Variants in PIEZO2 observed in about 807,000 individuals in gnomAD.
The protein encoded by PIEZO2 is piezo-type mechanosensitive ion channel component 2.
Under a neutral mutation model 337.3 loss-of-function variants are expected in PIEZO2, and 172 were observed. The observed-to-expected ratio is 0.51, with a 90% confidence interval of 0.45 to 0.58. The LOEUF is 0.58. Ranked by LOEUF, PIEZO2 falls within the 20% of genes least tolerant of loss-of-function variation. The pLI, the probability that PIEZO2 is intolerant of heterozygous loss-of-function variation, is 0.00. For synonymous variants in PIEZO2, 1,251 were observed against 1,228.5 expected (o/e 1.02, Z -0.38); for missense variants, 3,028 against 3,391.3 (o/e 0.89, Z 2.66).
chr18:10,855,455 CAG>C lies in PIEZO2; in HGVS notation c.813_814del (p.Val273SerfsTer29). On this transcript the variant is annotated frameshift_variant, in exon 7 of 56. Transcript: ENST00000674853. LOFTEE classifies it high-confidence loss of function. This position sits in a 1 kb window ranked among gnomAD's most constrained non-coding sequence, Gnocchi z 4.9. ...AGCAGTGAAAATAGCCAGCAGAACA[CAG>C]AGACAGCTGAACAGCAATGGGTCGA... 1 of 1,537,178 alleles carries C rather than the reference CAG, an allele frequency of 6.5e-7. No individual in the cohort carries two copies.
At chr18:10,817,708 G>A (rs1488643634) in intron 7 of PIEZO2, among the ~76,000 whole-genome samples, 1 of 152,034 alleles carries the variant, frequency 6.6e-6, no homozygotes, top group Non-Finnish European at 1.5e-5. Context: ...TGGTTCACGA[G>A]GTCAGGAGAT....
intron 3 of PIEZO2, among the ~76,000 whole-genome samples, chr18:10,916,451 G>C (rs1295305808): frequency 6.6e-6 from 1 of 152,160 alleles, no homozygotes; most frequent in African/African-American, 2.4e-5. Flanking sequence ...CAGAGGCTTG[G>C]TGAGAATTTG....
At chr18:11,024,751 G>C (rs986579441) in intron 2 of PIEZO2, among the ~76,000 whole-genome samples, 2 of 151,476 alleles carry the variant, frequency 1.3e-5, no homozygotes, top group Non-Finnish European at 2.9e-5. Context: ...AGTGATTCTC[G>C]TCTCAGCCTC....
At chr18:11,019,308 C>T (rs1278446866) in intron 2 of PIEZO2, among the ~76,000 whole-genome samples, 3 of 152,228 alleles carry the variant, frequency 2.0e-5, no homozygotes, top group African/African-American at 4.8e-5. Context: ...TAGGGCTTCT[C>T]CTAGACTGGA....
At chr18:10,742,689 T>C (rs1031362507) in intron 31 of PIEZO2, 74 bp from the exon 32 acceptor site, 18 of 1,475,732 alleles carry the variant, frequency 1.2e-5, no homozygotes, top group African/African-American at 2.8e-5. Flanking sequence ...TTTGGACTTA[T>C]GCTGTTACGT....
chr18:10,776,286 T>C (rs2038782790), intron 18 of PIEZO2, among the ~76,000 whole-genome samples: 1 of 152,156 alleles, frequency 6.6e-6, no homozygotes, highest in South Asian at 2.1e-4. Context: ...TGCCTATTTA[T>C]AGGAGGTTGT....
intron 36 of PIEZO2, among the ~76,000 whole-genome samples, chr18:10,729,825 CATTT>C (rs1297807305): frequency 6.6e-6 from 1 of 152,048 alleles, no homozygotes; most frequent in Non-Finnish European, 1.5e-5. Flanking sequence ...ACTCTGACTT[CATTT>C]GTTTCATGAT....
At position 10,862,284 on chromosome 18, in the gene PIEZO2, T is replaced by C. The variant is rs975610446; in HGVS notation, c.493-5073A>G. 2.6e-5 allele frequency among the ~76,000 whole-genome samples: 4 copies of C among 152,182 alleles called. No individual in the cohort carries two copies. Among genetic ancestry groups the C allele is most frequent in the Admixed American group, 1.3e-4 (2 of 15,276 alleles). On this transcript the variant is annotated intron_variant, in intron 5 of 55. Coordinates refer to ENST00000674853, the MANE Select transcript of PIEZO2 (RefSeq NM_001378183.1). This position sits in a 1 kb window ranked among gnomAD's most constrained non-coding sequence, Gnocchi z 4.4. ...AGATAAAAGTTGCTGATTTCAACAT[T>C]TGATAACATGTATTAGTGTAAGATC... is the stretch of plus-strand genomic sequence containing the variant.
At chr18:10,730,270 T>A (rs923909915) in intron 36 of PIEZO2, among the ~76,000 whole-genome samples, 1 of 152,248 alleles carries the variant, frequency 6.6e-6, no homozygotes, top group Non-Finnish European at 1.5e-5. Flanking sequence ...AGTGACATTA[T>A]CCAATGTTTA....
chr18:10,687,682 A>G (rs1389800227), intron 49 of PIEZO2, among the ~76,000 whole-genome samples: 2 of 152,166 alleles, frequency 1.3e-5, no homozygotes, highest in Non-Finnish European at 2.9e-5. Flanking sequence ...TGGAACTCTG[A>G]GCCTAGACCT....
chr18:10,901,485 C>T lies in PIEZO2; in HGVS notation c.329+9701G>A, dbSNP rs568493611. Among the ~76,000 whole-genome samples, 6 of 152,020 alleles carry T rather than the reference C, an allele frequency of 3.9e-5. No homozygotes were observed. The East Asian group carries it at 1.2e-3, about 29-fold the overall frequency. ...TGCAGGTGACACTAAGAGTAAGGGA[C>T]AGTAGAGTTACTTCTGAAAACTGCC... On this transcript the variant is annotated intron_variant, in intron 4 of 55. Coordinates refer to ENST00000674853, the MANE Select transcript of PIEZO2 (RefSeq NM_001378183.1).
intron 4 of PIEZO2, among the ~76,000 whole-genome samples, chr18:10,898,692 G>A (rs1359546749): frequency 6.6e-6 from 1 of 152,166 alleles, no homozygotes; most frequent in Admixed American, 6.5e-5. Flanking sequence ...CTTAAGATCA[G>A]GGGAAGGGCC....
At chr18:10,811,672 A>T (rs569688161) in intron 7 of PIEZO2, among the ~76,000 whole-genome samples, 1 of 152,346 alleles carries the variant, frequency 6.6e-6, no homozygotes, top group East Asian at 1.9e-4. Flanking sequence ...AAAGGCAACA[A>T]AAGTGCACTT....
rs1192913616 is a variant in PIEZO2 at position 10,748,905 on chromosome 18, C to G, written c.4265-275G>C. 6.6e-6 allele frequency among the ~76,000 whole-genome samples: 1 copy of G among 152,164 alleles called. No homozygotes were observed. The highest frequency in any genetic ancestry group is 2.4e-5 in the African/African-American group (1 of 41,428). ...TGGGAGGCCTCTTGAGTATTTCTCTCTCTTAGGAAGAAAGGGACCTCCAAC... is the reference window on the plus strand; with the variant it reads ...TGGGAGGCCTCTTGAGTATTTCTCTGTCTTAGGAAGAAAGGGACCTCCAAC... On this transcript the variant is annotated intron_variant, in intron 29 of 55. Transcript: ENST00000674853. This position sits in a 1 kb window ranked among gnomAD's most constrained non-coding sequence, Gnocchi z 5.1.
At position 11,061,467 on chromosome 18, in the gene PIEZO2, T is replaced by C. The variant is rs188088502; in HGVS notation, c.160+4660A>G. Among the ~76,000 whole-genome samples, 675 of 151,600 alleles carry C rather than the reference T, an allele frequency of 4.5e-3. 3 individuals are homozygous for C. The highest frequency in any genetic ancestry group is 0.016 in the African/African-American group (655 of 41,342). ...ATTAGGAAAAGAGGAAGTCAAATTG[T>C]TCCTGTTTGCAGATGACATGATTGT... On this transcript the variant is annotated intron_variant, in intron 2 of 55. Coordinates refer to ENST00000674853, the MANE Select transcript of PIEZO2 (RefSeq NM_001378183.1).
chr18:10,916,334 AG>A (rs1306636323), intron 3 of PIEZO2, among the ~76,000 whole-genome samples: 1 of 152,188 alleles, frequency 6.6e-6, no homozygotes, highest in East Asian at 1.9e-4. Flanking sequence ...GCCGCCTAGC[AG>A]GGGGCGGCGC....
chr18:11,015,513 C>T (rs1353518113), intron 2 of PIEZO2, among the ~76,000 whole-genome samples: 1 of 152,198 alleles, frequency 6.6e-6, no homozygotes, highest in Admixed American at 6.5e-5. Flanking sequence ...ATAATATGTT[C>T]ACAAATTATG....
chr18:11,005,508 C>T (rs1002491875), intron 2 of PIEZO2, among the ~76,000 whole-genome samples: 2 of 152,168 alleles, frequency 1.3e-5, no homozygotes, highest in East Asian at 1.9e-4. Flanking sequence ...GATCAAGGAG[C>T]GGTATCAGGG....
intron 1 of PIEZO2, among the ~76,000 whole-genome samples, chr18:11,134,146 A>G (rs1352594904): frequency 1.3e-5 from 2 of 152,148 alleles, no homozygotes; most frequent in African/African-American, 4.8e-5. Flanking sequence ...GAAATATGAA[A>G]CAGGAGGACC....
Sources: gnomAD v4.1 joint callset for allele counts (sites outside exome capture counted in the v4.1 genomes callset) on GRCh38, gnomAD v4.1.1 for gene constraint, Gnocchi (gnomAD v3.1) non-coding constraint, MANE v1.5 for transcripts, NCBI Gene and HGNC (gene_info 2026-07-23, HGNC 2026-07-21) for gene names.